Variants in KIAA1671 observed in about 807,000 individuals in gnomAD.
KIAA1671 encodes the protein uncharacterized protein KIAA1671.
Under a neutral mutation model 131.2 loss-of-function variants are expected in KIAA1671, and 52 were observed. That is an observed-to-expected ratio of 0.40 (90% CI 0.32 to 0.50). The LOEUF (loss-of-function observed/expected upper bound fraction) is 0.50, where lower values mean the gene tolerates loss of function less well. Among genes scored for constraint, KIAA1671 ranks in the 20% least tolerant of loss-of-function variants. The pLI, the probability that KIAA1671 is intolerant of heterozygous loss-of-function variation, is 0.73. For missense variants in KIAA1671, 2,360 were observed against 2,364.2 expected, an observed-to-expected ratio of 1.00 and a Z score of 0.04; for synonymous variants, 1,003 against 961.6, an observed-to-expected ratio of 1.04 and a Z score of -0.80.
At chr22:25,052,637 A>G (rs742169) in intron 6 of KIAA1671, 23,271 of 151,992 alleles carry the variant, frequency 0.15, 1,934 homozygotes, top group African/African-American at 0.2. Context: ...GGGAGGACAG[A>G]GCCCAAATGA....
rs1305713646 is a variant in KIAA1671 at position 25,040,531 on chromosome 22, G to A, written c.3401G>A (p.Arg1134Gln). ...IIDVDALWSH[R>Q]GSEDGPRPQS... ...GATGTGGATGCCTTATGGAGTCATC[G>A]GGGATCAGAAGATGGCCCTCGTCCT... Residue 1134 changes from arginine to glutamine, a missense_variant, in exon 5 of 13, where the codon CGG becomes CAG. By Grantham distance (43) the Arg-to-Gln change is conservative. Transcript: ENST00000358431. 15 of 1,551,754 alleles carry A rather than the reference G, an allele frequency of 9.7e-6. No individual in the cohort carries two copies. The highest frequency in any genetic ancestry group is 7.1e-5 in the South Asian group (6 of 84,054).
In KIAA1671 at chr22:25,028,142, T is replaced by C; in HGVS notation, c.143T>C (p.Leu48Ser). 2 of 1,551,148 alleles carry C rather than the reference T, an allele frequency of 1.3e-6. No individual in the cohort carries two copies. Among genetic ancestry groups the C allele is most frequent in the South Asian group, 2.4e-5 (2 of 84,006 alleles). Residue 48 changes from leucine to serine, a missense_variant, in exon 3 of 13, where the codon TTG (leucine) becomes TCG (serine). Physicochemically the swap from Leu to Ser is moderately radical, Grantham distance 145 (BLOSUM62 -2). Transcript: ENST00000358431. ...TCTGGGGCTCCCCCAGCCCGGATCT[T>C]GGAAGCGAAGAGCCCCCTGCGGAGC... ...EASGAPPARI[L>S]EAKSPLRSPA... is the part of the protein sequence containing the mutation.
At position 25,134,443 on chromosome 22, in the gene KIAA1671, G is replaced by GT. The variant is rs368165550; in HGVS notation, c.4531-36371dup. Among the ~76,000 whole-genome samples the GT allele has an allele frequency of 1.4e-3, 213 of 152,060 alleles. 1 individual carries two copies. The highest frequency in any genetic ancestry group is 4.7e-3 in the African/African-American group (193 of 41,480). Reference sequence around the variant, plus strand: ...CTTTTATAGGCATGTGATGCATACGGTTTTTTCATTATTGTTTTTAAAAGT... The same window carrying GT: ...CTTTTATAGGCATGTGATGCATACGGTTTTTTTCATTATTGTTTTTAAAAGT... On this transcript the variant is annotated intron_variant, in intron 6 of 12. Transcript: ENST00000358431.
At chr22:25,055,827 G>T (rs200630714) in intron 6 of KIAA1671, 1 of 143,904 alleles carries the variant, frequency 6.9e-6, no homozygotes, top group African/African-American at 2.5e-5. Context: ...TATAGATATA[G>T]ATAGATATAG....
intron 1 of KIAA1671, chr22:25,010,771 A>G (rs1924992137): frequency 6.6e-6 from 1 of 152,210 alleles, no homozygotes; most frequent in Non-Finnish European, 1.5e-5. Flanking sequence ...AATGGCTTAA[A>G]TGGGTATATT....
At chr22:25,118,729 G>A (rs1424323908) in intron 6 of KIAA1671, among the ~76,000 whole-genome samples, 1 of 151,956 alleles carries the variant, frequency 6.6e-6, no homozygotes, top group Admixed American at 6.6e-5. Context: ...AGACTTAGAT[G>A]CCCAGTTTTC....
At chr22:25,024,632 G>A (rs1385272315) in intron 1 of KIAA1671, 1 of 152,182 alleles carries the variant, frequency 6.6e-6, no homozygotes, top group African/African-American at 2.4e-5. Context: ...ATGGTATCTG[G>A]ACTTATTTAG....
intron 6 of KIAA1671, among the ~76,000 whole-genome samples, chr22:25,158,015 G>C (rs551709288): frequency 6.6e-6 from 1 of 152,144 alleles, no homozygotes; most frequent in Admixed American, 6.5e-5. Context: ...TAGAGATGGG[G>C]TTTCACTGTG....
chr22:25,150,357 G>T (rs1932992441), intron 6 of KIAA1671, among the ~76,000 whole-genome samples: 1 of 152,188 alleles, frequency 6.6e-6, no homozygotes, highest in Admixed American at 6.5e-5. Flanking sequence ...CCATTTTACA[G>T]AGGGGGAAAC....
chr22:25,089,714 C>A (rs1184759639), intron 6 of KIAA1671, among the ~76,000 whole-genome samples: 1 of 152,174 alleles, frequency 6.6e-6, no homozygotes, highest in Non-Finnish European at 1.5e-5. Context: ...GCTTTATATT[C>A]TTCCTTGCAC....
chr22:25,095,164 C>T (rs1171910973), intron 6 of KIAA1671, among the ~76,000 whole-genome samples: 2 of 152,130 alleles, frequency 1.3e-5, no homozygotes, highest in African/African-American at 2.4e-5. Flanking sequence ...CATCTCTGAA[C>T]CTCAGTTTCC....
intron 1 of KIAA1671, among the ~76,000 whole-genome samples, chr22:24,963,236 C>T (rs6004368): frequency 0.029 from 4,470 of 151,766 alleles, 248 homozygotes; most frequent in African/African-American, 0.1. Context: ...TTGTGGCGGA[C>T]ACCTGTAATT....
At chr22:25,088,717 T>C (rs1929864222) in intron 6 of KIAA1671, among the ~76,000 whole-genome samples, 3 of 152,210 alleles carry the variant, frequency 2.0e-5, no homozygotes, top group Admixed American at 2.0e-4. Flanking sequence ...AACAGTGTTC[T>C]AAAGAGAAAT....
chr22:24,995,884 A>T (rs1924106823), intron 1 of KIAA1671, among the ~76,000 whole-genome samples: 1 of 152,224 alleles, frequency 6.6e-6, no homozygotes, highest in Non-Finnish European at 1.5e-5. Flanking sequence ...GATGGAGATG[A>T]CTGGCTCTGG....
chr22:25,012,154 C>A (rs991936961), intron 1 of KIAA1671: 1 of 152,040 alleles, frequency 6.6e-6, no homozygotes, highest in Non-Finnish European at 1.5e-5. Flanking sequence ...CATGTTCTTT[C>A]CACTTTACTG....
At chr22:25,138,014 T>C (rs1175735298) in intron 6 of KIAA1671, among the ~76,000 whole-genome samples, 2 of 152,252 alleles carry the variant, frequency 1.3e-5, no homozygotes, top group Non-Finnish European at 2.9e-5. Flanking sequence ...GTACAATGAC[T>C]CATTTTTCTT....
At chr22:24,969,368 C>A (rs1426680081) in intron 1 of KIAA1671, among the ~76,000 whole-genome samples, 1 of 152,118 alleles carries the variant, frequency 6.6e-6, no homozygotes, top group Non-Finnish European at 1.5e-5. Flanking sequence ...TACTTTAAAT[C>A]ATCTCTAGAT....
Position 25,038,832 on chromosome 22 carries a change from A to G in KIAA1671, c.1702A>G (p.Lys568Glu). 1 of 1,551,850 alleles carries G rather than the reference A, an allele frequency of 6.4e-7. No individual in the cohort carries two copies. Among genetic ancestry groups the G allele is most frequent in the Non-Finnish European group, 8.7e-7 (1 of 1,147,032 alleles). ...CTGGAAGCCTGGGACACTCCGGGAT[A>G]AGTCCAGGCAGACGGAGCAGAAGGT... ...SPWKPGTLRDKSRQTEQKVSS... is the reference protein window; with the variant it reads ...SPWKPGTLRDESRQTEQKVSS... The change falls in exon 5 of 13, where the codon AAG becomes GAG. Residue 568 changes from lysine (K) to glutamate (E), a missense_variant. Transcript: ENST00000358431.
At chr22:25,027,095 G>A (rs5760804) in intron 2 of KIAA1671, among the ~76,000 whole-genome samples, 38,680 of 152,104 alleles carry the variant, frequency 0.25, 5,657 homozygotes, top group African/African-American at 0.4. Context: ...TCACTGTTGG[G>A]CGTTTCTCTT....
Sources: gnomAD v4.1 joint callset for allele counts (sites outside exome capture counted in the v4.1 genomes callset) on GRCh38, gnomAD v4.1.1 for gene constraint, MANE v1.5 for transcripts, NCBI Gene and HGNC (gene_info 2026-07-23, HGNC 2026-07-21) for gene names.